Variants in GRHL2 observed in about 807,000 individuals in gnomAD.
The protein encoded by GRHL2 is grainyhead-like protein 2 homolog.
In GRHL2, 21 loss-of-function variants were observed where a neutral mutation model predicts 83.8. The observed-to-expected ratio is 0.25, with a 90% CI of 0.18 to 0.36. The LOEUF is 0.36. Among genes scored for constraint, GRHL2 ranks in the 10% least tolerant of loss-of-function variants. The probability of loss-of-function intolerance (pLI) is 1.00; values close to 1 mark genes in which losing one functional copy is unlikely to be tolerated. For missense variants in GRHL2, 623 were observed against 781.8 expected, an observed-to-expected ratio of 0.80 and a Z score of 2.42; for synonymous variants, 280 against 278.9, an observed-to-expected ratio of 1.00 and a Z score of -0.04.
chr8:101,622,688 T>A (rs974390889), intron 9 of GRHL2, among the ~76,000 whole-genome samples: 2 of 152,134 alleles, frequency 1.3e-5, no homozygotes, highest in Non-Finnish European at 2.9e-5. Flanking sequence ...CACTCTTTTT[T>A]AAAATTATTT....
At chr8:101,530,332 C>G (rs745374810) in intron 1 of GRHL2, among the ~76,000 whole-genome samples, 80 of 152,186 alleles carry the variant, frequency 5.3e-4, no homozygotes, top group Non-Finnish European at 2.4e-4. Context: ...GGAAATCGGT[C>G]CTGCAGGCTT....
rs182507677 is a variant in GRHL2, at chr8:101,613,268, C to T, written c.1099-6271C>T. 4.9e-4 allele frequency among the ~76,000 whole-genome samples: 73 copies of T among 150,280 alleles called. 1 individual carries two copies. The highest frequency in any genetic ancestry group is 6.9e-3 in the Middle Eastern group (2 of 290). On this transcript the variant is annotated intron_variant, in intron 8 of 15. Transcript: ENST00000646743. ...GCATCTGCGTGTATACATACATAAC[C>T]GCAGAATTGAGAGGAAAACATAAAT... is the stretch of plus-strand genomic sequence containing the variant.
intron 3 of GRHL2, among the ~76,000 whole-genome samples, chr8:101,556,414 G>A (rs76788187): frequency 0.099 from 15,111 of 152,206 alleles, 1,041 homozygotes; most frequent in African/African-American, 0.19. Context: ...AGAAGAATCC[G>A]TAAATTAGTG....
At chr8:101,505,713 GTTTTGTATCAT>G (rs1810327752) in intron 1 of GRHL2, among the ~76,000 whole-genome samples, 1 of 151,964 alleles carries the variant, frequency 6.6e-6, no homozygotes, top group East Asian at 1.9e-4. Flanking sequence ...TATAAGGTAT[GTTTTGTATCAT>G]ATTCAGCCAC....
chr8:101,677,019 C>T, the GRHL2 span, among the ~76,000 whole-genome samples: 1 of 151,544 alleles, frequency 6.6e-6, no homozygotes, highest in Admixed American at 6.6e-5. Context: ...AATGAGAACA[C>T]ATGGACACAG....
intron 1 of GRHL2, among the ~76,000 whole-genome samples, chr8:101,519,182 T>A (rs959175808): frequency 5.9e-5 from 9 of 151,970 alleles, no homozygotes; most frequent in African/African-American, 2.2e-4. Context: ...TTTTTCTTCA[T>A]TGATTTTTTT....
rs1813495204 is a variant in GRHL2, at chr8:101,645,529, G to A, written c.1612+1304G>A. Among the ~76,000 whole-genome samples, 3 of 152,234 alleles carry A rather than the reference G, an allele frequency of 2.0e-5. No homozygotes were observed. In the South Asian group the frequency reaches 6.2e-4, roughly 32 times the overall value. On this transcript the variant is annotated intron_variant, in intron 13 of 15. Coordinates refer to ENST00000646743, the MANE Select transcript of GRHL2 (RefSeq NM_024915.4). Reference sequence around the variant, plus strand: ...AATGGGATTTGCACTGTGGTCAAGAGAACCCGTCTGTAGCCTGCCACAGCC... The same window carrying A: ...AATGGGATTTGCACTGTGGTCAAGAAAACCCGTCTGTAGCCTGCCACAGCC...
intron 2 of GRHL2, among the ~76,000 whole-genome samples, chr8:101,551,727 G>A (rs187744344): frequency 6.7e-6 from 1 of 149,974 alleles, no homozygotes; most frequent in African/African-American, 2.5e-5. Flanking sequence ...GCAGAGTAAA[G>A]TATCTAGGAT....
intron 12 of GRHL2, among the ~76,000 whole-genome samples, chr8:101,637,777 G>A (rs1813319426): frequency 6.6e-6 from 1 of 152,136 alleles, no homozygotes; most frequent in Non-Finnish European, 1.5e-5. Flanking sequence ...TTTGTCTGTT[G>A]AGCTGATGTC....
At chr8:101,589,656 A>G (rs905061235) in intron 7 of GRHL2, among the ~76,000 whole-genome samples, 16 of 152,244 alleles carry the variant, frequency 1.1e-4, no homozygotes, top group Non-Finnish European at 2.4e-4. Context: ...CACATGTAAA[A>G]TATTAGATGT....
chr8:101,536,704 T>C (rs1233603789), intron 1 of GRHL2, among the ~76,000 whole-genome samples: 1 of 152,200 alleles, frequency 6.6e-6, no homozygotes, highest in South Asian at 2.1e-4. Flanking sequence ...GAGTGCCTGG[T>C]TGAGAACTGA....
intron 7 of GRHL2, among the ~76,000 whole-genome samples, chr8:101,595,035 C>A (rs533760716): frequency 6.6e-6 from 1 of 152,270 alleles, no homozygotes; most frequent in Admixed American, 6.5e-5. Context: ...TCGTCTTGTT[C>A]ATTTATTTAT....
intron 12 of GRHL2, among the ~76,000 whole-genome samples, chr8:101,642,547 C>T (rs766490748): frequency 2.6e-5 from 4 of 152,088 alleles, no homozygotes; most frequent in South Asian, 4.1e-4. Context: ...AGTTCCAAGA[C>T]GTTACACAGT....
intron 2 of GRHL2, among the ~76,000 whole-genome samples, chr8:101,545,139 G>A (rs965784257): frequency 6.6e-5 from 10 of 152,182 alleles, no homozygotes; most frequent in African/African-American, 2.4e-4. Flanking sequence ...TTTAAATAAG[G>A]ATATTGCTAA....
At chr8:101,644,482 C>T (rs1813468825) in intron 13 of GRHL2, among the ~76,000 whole-genome samples, 2 of 152,252 alleles carry the variant, frequency 1.3e-5, no homozygotes, top group South Asian at 4.1e-4. Flanking sequence ...ACTCATCCAG[C>T]AGCAAGGTAC....
intron 14 of GRHL2, among the ~76,000 whole-genome samples, chr8:101,652,268 ATAT>A (rs1490459354): frequency 6.6e-6 from 1 of 150,716 alleles, no homozygotes; most frequent in Non-Finnish European, 1.5e-5. Context: ...ACAATATGAC[ATAT>A]TATATATCTA....
intron 9 of GRHL2, among the ~76,000 whole-genome samples, chr8:101,624,333 AG>A (rs1813033206): frequency 6.7e-6 from 1 of 150,020 alleles, no homozygotes; most frequent in Non-Finnish European, 1.5e-5. Flanking sequence ...TGACACTGGT[AG>A]GACAGTAGGA....
intron 1 of GRHL2, among the ~76,000 whole-genome samples, chr8:101,542,962 T>C (rs534957933): frequency 2.0e-5 from 3 of 152,302 alleles, no homozygotes; most frequent in African/African-American, 7.2e-5. Flanking sequence ...ACCATCACAA[T>C]GTTGACTAAA....
chr8:101,600,695 T>A (rs1254848754), intron 8 of GRHL2, among the ~76,000 whole-genome samples: 1 of 152,186 alleles, frequency 6.6e-6, no homozygotes, highest in East Asian at 1.9e-4. Flanking sequence ...GATTTCCAAA[T>A]GTCTCTGCTG....
Sources: allele counts gnomAD v4.1 joint callset (sites outside exome capture counted in the v4.1 genomes callset), GRCh38; gene constraint gnomAD v4.1.1; transcripts MANE v1.5; gene names NCBI Gene and HGNC (gene_info 2026-07-23, HGNC 2026-07-21).